The following PIGK variants were observed in gnomAD, a reference collection of about 807,000 sequenced individuals.
PIGK encodes phosphatidylinositol glycan anchor biosynthesis class K.
A neutral mutation model predicts 50.6 loss-of-function variants in PIGK; 42 were observed. The observed-to-expected ratio is 0.83, with a 90% CI of 0.65 to 1.07. The LOEUF (loss-of-function observed/expected upper bound fraction) is 1.07, where lower values mean the gene tolerates loss of function less well. Among genes scored for constraint, PIGK ranks in the 50% least tolerant of loss-of-function variants. The pLI is 0.00. For missense variants in PIGK, 448 were observed against 488.7 expected, an observed-to-expected ratio of 0.92 and a Z score of 0.78; for synonymous variants, 151 against 156.0, an observed-to-expected ratio of 0.97 and a Z score of 0.24.
At chr1:77,183,632 T>C (rs140275906) in intron 3 of PIGK, among the ~76,000 whole-genome samples, 3 of 152,244 alleles carry the variant, frequency 2.0e-5, no homozygotes, top group Non-Finnish European at 2.9e-5. Flanking sequence ...GGGATAATGG[T>C]TGAAGGAACA....
intron 3 of PIGK, among the ~76,000 whole-genome samples, chr1:77,187,380 T>G (rs1051720337): frequency 1.3e-5 from 2 of 152,096 alleles, no homozygotes; most frequent in African/African-American, 4.8e-5. Context: ...CTAGCAAAAT[T>G]TTTGCTGCCT....
At chr1:77,192,831 T>C (rs189152614) in intron 3 of PIGK, among the ~76,000 whole-genome samples, 1 of 152,300 alleles carries the variant, frequency 6.6e-6, no homozygotes, top group African/African-American at 2.4e-5. Flanking sequence ...GTCCTAAAAA[T>C]AAGCTCTCTA....
intron 9 of PIGK, among the ~76,000 whole-genome samples, chr1:77,130,499 A>G (rs1254024194): frequency 2.6e-5 from 4 of 152,104 alleles, no homozygotes; most frequent in Non-Finnish European, 4.4e-5. Context: ...AAGTAAAACC[A>G]TATCTATCAC....
intron 9 of PIGK, among the ~76,000 whole-genome samples, chr1:77,127,991 G>A (rs936892825): frequency 2.6e-5 from 4 of 152,134 alleles, no homozygotes; most frequent in Non-Finnish European, 5.9e-5. Flanking sequence ...GACACTCCGA[G>A]TGAAGAAAAC....
chr1:77,186,956 T>C (rs1655762902), intron 3 of PIGK, among the ~76,000 whole-genome samples: 1 of 152,200 alleles, frequency 6.6e-6, no homozygotes, highest in Non-Finnish European at 1.5e-5. Context: ...GAATAAACAC[T>C]TACTCTGGAT....
chr1:77,150,825 T>C (rs1016722135), intron 9 of PIGK, among the ~76,000 whole-genome samples: 5 of 151,924 alleles, frequency 3.3e-5, no homozygotes, highest in African/African-American at 1.2e-4. Flanking sequence ...AACAGACCAA[T>C]AATGAGTAAC....
intron 3 of PIGK, among the ~76,000 whole-genome samples, chr1:77,185,565 A>G (rs1304565109): frequency 6.6e-6 from 1 of 152,140 alleles, no homozygotes; most frequent in Non-Finnish European, 1.5e-5. Flanking sequence ...CACAATGCCC[A>G]GTGGGCCTAA....
intron 9 of PIGK, chr1:77,129,196 A>G: frequency 6.3e-7 from 1 of 1,595,644 alleles, no homozygotes; most frequent in Non-Finnish European, 8.6e-7. Context: ...CACTTTAAGA[A>G]CACTCGTGAA....
chr1:77,173,340 T>C (rs1053826836), intron 3 of PIGK, among the ~76,000 whole-genome samples: 147 of 152,340 alleles, frequency 9.6e-4, no homozygotes, highest in African/African-American at 3.4e-3. Flanking sequence ...TATTTTACTC[T>C]GGCCAGAATG....
At chr1:77,152,394 C>T (rs538982786) in intron 9 of PIGK, among the ~76,000 whole-genome samples, 24 of 151,870 alleles carry the variant, frequency 1.6e-4, no homozygotes, top group African/African-American at 5.8e-4. Context: ...AACTGTGACA[C>T]TACTAAAAGG....
At chr1:77,111,676 G>C (rs985472357) in intron 10 of PIGK, among the ~76,000 whole-genome samples, 3 of 151,954 alleles carry the variant, frequency 2.0e-5, no homozygotes, top group Admixed American at 6.6e-5. Flanking sequence ...GTTAATGGGT[G>C]CAGCACACCA....
chr1:77,189,157 G>T (rs1655826427), intron 3 of PIGK, among the ~76,000 whole-genome samples: 1 of 152,128 alleles, frequency 6.6e-6, no homozygotes, highest in Non-Finnish European at 1.5e-5. Flanking sequence ...TTATACAACA[G>T]TACATTTGGG....
chr1:77,129,578 G>C lies in PIGK; in HGVS notation c.987-7219C>G, dbSNP rs1461666823. ...AGATGATCCTTACGGAAAAGGAACAGATTGTTCCTAAACCAGAAGAGGAGG... is the reference window on the plus strand; with the variant it reads ...AGATGATCCTTACGGAAAAGGAACACATTGTTCCTAAACCAGAAGAGGAGG... On this transcript the variant is annotated intron_variant, in intron 9 of 10. Coordinates refer to ENST00000370812, the MANE Select transcript of PIGK (RefSeq NM_005482.3). 1.2e-5 allele frequency: 17 copies of C among 1,478,004 alleles called. No individual in the cohort carries two copies. The Admixed American group carries it at 2.8e-4, about 24-fold the overall frequency. The allele number at this position is 1,478,004 out of a possible 1,614,324, so 91.6% of individuals were successfully genotyped here.
intron 8 of PIGK, among the ~76,000 whole-genome samples, chr1:77,160,805 T>C (rs1483124901): frequency 6.6e-6 from 1 of 152,200 alleles, no homozygotes; most frequent in African/African-American, 2.4e-5. Flanking sequence ...CTATAAATTG[T>C]AGGGCCCACA....
chr1:77,200,735 G>C (rs1248857263), intron 3 of PIGK, among the ~76,000 whole-genome samples: 1 of 152,090 alleles, frequency 6.6e-6, no homozygotes, highest in African/African-American at 2.4e-5. Context: ...TGGCCATAAA[G>C]TCAGAAGACC....
At chr1:77,106,785 C>T (rs558230552) in intron 10 of PIGK, among the ~76,000 whole-genome samples, 8 of 152,026 alleles carry the variant, frequency 5.3e-5, no homozygotes, top group African/African-American at 1.4e-4. Context: ...TTAGCATCTA[C>T]ATATCAATAT....
In PIGK at chr1:77,120,429, G is replaced by A. The variant is rs559510185; in HGVS notation, c.1071+1846C>T. On this transcript the variant is annotated intron_variant, in intron 10 of 10. Coordinates refer to ENST00000370812, the MANE Select transcript of PIGK (RefSeq NM_005482.3). ...GACATAGGGTTTTGTTATGTTGCCC[G>A]GGCTGGTCCTGAACTCCTGGGCTCA... is the stretch of plus-strand genomic sequence containing the variant. Among the ~76,000 whole-genome samples, 14 of 152,104 alleles carry A rather than the reference G, an allele frequency of 9.2e-5. 1 individual carries two copies. The highest frequency in any genetic ancestry group is 3.1e-4 in the African/African-American group (13 of 41,484).
rs182796762 is a variant in PIGK, at chr1:77,178,907, A to G, written c.240-9512T>C. Among the ~76,000 whole-genome samples, 159 of 152,328 alleles carry G rather than the reference A, an allele frequency of 1.0e-3. 1 individual carries two copies. Among genetic ancestry groups the G allele is most frequent in the African/African-American group, 3.6e-3 (150 of 41,582 alleles). ...CAAAATGATGGTAACTGAGAGTGGC[A>G]CTAATGCCGTAAGTTTTGGTCACAC... On this transcript the variant is annotated intron_variant, in intron 3 of 10. Coordinates refer to ENST00000370812, the MANE Select transcript of PIGK (RefSeq NM_005482.3).
chr1:77,147,568 G>A lies in PIGK; in HGVS notation c.986+6881C>T, dbSNP rs944441024. Among the ~76,000 whole-genome samples, 4 of 152,144 alleles carry A rather than the reference G, an allele frequency of 2.6e-5. No individual in the cohort carries two copies. The East Asian group carries it at 7.7e-4, about 29-fold the overall frequency. On this transcript the variant is annotated intron_variant, in intron 9 of 10. Coordinates refer to ENST00000370812, the MANE Select transcript of PIGK (RefSeq NM_005482.3). The stretch of plus-strand genomic sequence containing the variant: ...AAATTTTTACAGTCACAACCTGGAG[G>A]ATATCTTCCTAATACAGAAAAGATA...
Sources: gnomAD v4.1 joint callset for allele counts (sites outside exome capture counted in the v4.1 genomes callset) on GRCh38, gnomAD v4.1.1 for gene constraint, MANE v1.5 for transcripts, NCBI Gene and HGNC (gene_info 2026-07-23, HGNC 2026-07-21) for gene names.